DOCK5: variants seen among roughly 807,000 people sequenced by gnomAD.
The protein encoded by DOCK5 is dedicator of cytokinesis 5.
A neutral mutation model predicts 251.8 loss-of-function variants in DOCK5; 142 were observed. The ratio of observed to expected loss-of-function variants is 0.56; its 90% CI spans 0.49 to 0.65. DOCK5 has a LOEUF of 0.65. Among genes scored for constraint, DOCK5 ranks in the 30% least tolerant of loss-of-function variants. DOCK5 has a pLI of 0.00. For missense variants in DOCK5, 2,111 were observed against 2,312.3 expected (o/e 0.91, Z 1.79); for synonymous variants, 842 against 835.5 (o/e 1.01, Z -0.13).
At chr8:25,295,473 A>G (rs1338156139) in intron 6 of DOCK5, among the ~76,000 whole-genome samples, 2 of 152,180 alleles carry the variant, frequency 1.3e-5, no homozygotes, top group Non-Finnish European at 2.9e-5. Context: ...TGCAGAATTA[A>G]GTAAATTCTC....
At chr8:25,350,251 A>G (rs1800442424) in intron 26 of DOCK5, among the ~76,000 whole-genome samples, 1 of 152,244 alleles carries the variant, frequency 6.6e-6, no homozygotes. Context: ...GCAAAAAAAT[A>G]CAAATAGCAA....
intron 40 of DOCK5, among the ~76,000 whole-genome samples, chr8:25,387,829 G>A (rs1029490528): frequency 2.0e-5 from 3 of 152,072 alleles, no homozygotes; most frequent in Non-Finnish European, 4.4e-5. Context: ...GCCCATCTAA[G>A]GCCCATGTCT....
At chr8:25,299,856 TA>T (rs1407931705) in intron 8 of DOCK5, among the ~76,000 whole-genome samples, 11 of 152,282 alleles carry the variant, frequency 7.2e-5, no homozygotes, top group African/African-American at 2.4e-4. Context: ...TTTGTTTCTT[TA>T]AAAAAAATTT....
At chr8:25,289,110 C>A (rs1804416772) in intron 5 of DOCK5, among the ~76,000 whole-genome samples, 1 of 152,036 alleles carries the variant, frequency 6.6e-6, no homozygotes, top group Admixed American at 6.6e-5. Flanking sequence ...TCATTGCCCC[C>A]TACTTTACAC....
chr8:25,327,792 G>A (rs1805598039), intron 18 of DOCK5, among the ~76,000 whole-genome samples: 1 of 152,118 alleles, frequency 6.6e-6, no homozygotes, highest in South Asian at 2.1e-4. Flanking sequence ...TTAGACAAGA[G>A]GGATAAGTTC....
intron 51 of DOCK5, 34 bp downstream of exon 51, chr8:25,410,236 G>A (rs778225348): frequency 1.9e-6 from 3 of 1,582,260 alleles, no homozygotes; most frequent in Non-Finnish European, 2.6e-6. Context: ...TGTGGCCAGG[G>A]AGCGCCACTC....
chr8:25,396,125 A>G (rs1331913766), intron 45 of DOCK5, among the ~76,000 whole-genome samples: 2 of 152,076 alleles, frequency 1.3e-5, no homozygotes, highest in Non-Finnish European at 1.5e-5. Context: ...CACACCTGTA[A>G]TCCCAGGATT....
In DOCK5 at chr8:25,374,597, CTG is replaced by C; in HGVS notation, c.3762_3763del (p.Cys1254Ter). 1 of 1,612,830 alleles carries C rather than the reference CTG, an allele frequency of 6.2e-7. No homozygotes were observed. The highest frequency in any genetic ancestry group is 1.1e-5 in the South Asian group (1 of 91,008). ...LYKLRDLHRD[C>X]ENYTEAAYTL... The stretch of plus-strand genomic sequence containing the variant: ...ACAAGCTTCGAGATTTGCACCGAGA[CTG>C]TGAGAACTACACAGAAGCTGCCTAC... On this transcript the variant is annotated frameshift_variant, in exon 37 of 52. Coordinates refer to ENST00000276440, the MANE Select transcript of DOCK5 (RefSeq NM_024940.8). LOFTEE classifies it high-confidence loss of function.
At chr8:25,249,977 C>T (rs1803225525) in intron 2 of DOCK5, among the ~76,000 whole-genome samples, 1 of 152,178 alleles carries the variant, frequency 6.6e-6, no homozygotes, top group South Asian at 2.1e-4. Context: ...ATCAGTTGGA[C>T]ATTTGGGTCG....
chr8:25,413,264 GC>G lies in DOCK5; in HGVS notation c.*1967del, dbSNP rs1801661267. 6.6e-6 allele frequency: 1 copy of G among 152,218 alleles called. No homozygotes were observed. The highest frequency in any genetic ancestry group is 2.1e-4 in the South Asian group (1 of 4,832). The allele number at this position is 152,218 out of a possible 1,614,324, so 9.4% of individuals were successfully genotyped here. ...GAGTAGGAACTGGAACTCTCTAAGA[GC>G]ATTACTCATACTTTTTTTTTCTTCC... On this transcript the variant is annotated 3_prime_UTR_variant, in exon 52 of 52. Coordinates refer to ENST00000276440, the MANE Select transcript of DOCK5 (RefSeq NM_024940.8).
chr8:25,248,234 G>A (rs1169195178), intron 2 of DOCK5, among the ~76,000 whole-genome samples: 1 of 152,172 alleles, frequency 6.6e-6, no homozygotes, highest in East Asian at 1.9e-4. Flanking sequence ...TATCTGCTAA[G>A]CACTTAGAGT....
At chr8:25,392,015 A>C in intron 43 of DOCK5, 35 bp downstream of exon 43, 1 of 1,599,882 alleles carries the variant, frequency 6.3e-7, no homozygotes, top group Non-Finnish European at 8.5e-7. Flanking sequence ...AAGAGGTAAA[A>C]TTAACGGGCT....
chr8:25,228,155 G>C (rs2117513462), intron 1 of DOCK5, among the ~76,000 whole-genome samples: 1 of 152,292 alleles, frequency 6.6e-6, no homozygotes, highest in East Asian at 1.9e-4. Flanking sequence ...GGGATTACAG[G>C]TGTGCGCCAC....
Position 25,378,575 on chromosome 8 carries a change from G to A in DOCK5, c.3936+1151G>A, listed in dbSNP as rs564249638. ...ACAGGAATGAAGCAGGAGGTGACCC[G>A]ATGCTGCAAGTTGAATAGTATCCGT... On this transcript the variant is annotated intron_variant, in intron 38 of 51. Transcript: ENST00000276440. 6.6e-5 allele frequency among the ~76,000 whole-genome samples: 10 copies of A among 152,312 alleles called. No individual in the cohort carries two copies. The East Asian group carries it at 1.3e-3, about 21-fold the overall frequency.
At position 25,326,654 on chromosome 8, in the gene DOCK5, G is replaced by C. The variant is rs533988279; in HGVS notation, c.1903+1107G>C. Among the ~76,000 whole-genome samples the C allele has an allele frequency of 6.5e-4, 99 of 152,318 alleles. 1 individual carries two copies. Among genetic ancestry groups the C allele is most frequent in the African/African-American group, 2.3e-3 (94 of 41,576 alleles). On this transcript the variant is annotated intron_variant, in intron 18 of 51. Coordinates refer to ENST00000276440, the MANE Select transcript of DOCK5 (RefSeq NM_024940.8). ...GTTAATGGGTACAACATTTATGGAA[G>C]ATAATTTAGAAGGCATATCAAGGAG...
intron 9 of DOCK5, 131 bp downstream of exon 9, chr8:25,300,788 C>A: frequency 1.1e-6 from 1 of 925,762 alleles, no homozygotes; most frequent in Non-Finnish European, 1.6e-6. Flanking sequence ...CAGGAATAAC[C>A]CACCCATTTA....
chr8:25,304,300 A>T lies in DOCK5; in HGVS notation c.1022A>T (p.Glu341Val), dbSNP rs762294051. 6.2e-7 allele frequency: 1 copy of T among 1,610,982 alleles called. No homozygotes were observed. Among genetic ancestry groups the T allele is most frequent in the East Asian group, 2.2e-5 (1 of 44,728 alleles). Residue 341 changes from glutamate to valine, a missense_variant, in exon 11 of 52, where the codon GAA (glutamate) becomes GTA (valine). Around this residue, in one of 3 missense-constraint regions of DOCK5, gnomAD observed 1,717 missense variants for 1,892.4 expected, o/e 0.91. Transcript: ENST00000276440. ...ATACATGGGAAGGTGGATGATGAAG[A>T]AAAGCAGCATTTTATTCCCTTTCAG... is the stretch of plus-strand genomic sequence containing the variant. ...DIIHGKVDDE[E>V]KQHFIPFQQI...
chr8:25,364,340 T>C (rs1586364794), intron 29 of DOCK5, among the ~76,000 whole-genome samples: 1 of 152,184 alleles, frequency 6.6e-6, no homozygotes, highest in South Asian at 2.1e-4. Flanking sequence ...TCTATATATA[T>C]TACCCTCCTC....
chr8:25,339,029 G>T, intron 22 of DOCK5, among the ~76,000 whole-genome samples: 1 of 152,090 alleles, frequency 6.6e-6, no homozygotes, highest in Admixed American at 6.6e-5. Flanking sequence ...GCCTGCGTGT[G>T]GTTACTTTTC....
Sources: allele counts gnomAD v4.1 joint callset (sites outside exome capture counted in the v4.1 genomes callset), GRCh38; gene constraint gnomAD v4.1.1; regional missense constraint gnomAD v4.1.1; transcripts MANE v1.5; gene names NCBI Gene and HGNC (gene_info 2026-07-23, HGNC 2026-07-21).